CNTN4: variants seen among roughly 807,000 people sequenced by gnomAD.
The protein encoded by CNTN4 is contactin 4, also known as contactin-4.
In CNTN4, 77 loss-of-function variants were observed where a neutral mutation model predicts 122.5. The ratio of observed to expected loss-of-function variants is 0.63; its 90% confidence interval spans 0.52 to 0.76. CNTN4 has a LOEUF of 0.76. Ranked by LOEUF, CNTN4 falls within the 30% of genes least tolerant of loss-of-function variation. The probability of loss-of-function intolerance (pLI) is 0.00; values close to 1 mark genes in which losing one functional copy is unlikely to be tolerated. For missense variants in CNTN4, 1,256 were observed against 1,259.1 expected (o/e 1.00, Z 0.04); for synonymous variants, 512 against 447.0 (o/e 1.15, Z -1.83).
intron 12 of CNTN4, among the ~76,000 whole-genome samples, chr3:2,917,886 C>A (rs1331349270): frequency 2.0e-5 from 3 of 147,662 alleles, no homozygotes; most frequent in African/African-American, 7.5e-5. Flanking sequence ...CCCAACAAAA[C>A]CTCTATCAGT....
chr3:2,929,133 G>A (rs1316692378), intron 13 of CNTN4, among the ~76,000 whole-genome samples: 1 of 152,158 alleles, frequency 6.6e-6, no homozygotes, highest in Non-Finnish European at 1.5e-5. Context: ...ATTGTCTTGT[G>A]TGTGTCTCCA....
intron 2 of CNTN4, among the ~76,000 whole-genome samples, chr3:2,245,264 A>C (rs917113009): frequency 3.3e-5 from 5 of 152,060 alleles, no homozygotes; most frequent in Non-Finnish European, 7.4e-5. Flanking sequence ...GGCTAGGGAG[A>C]TCCCTAATTC....
intron 3 of CNTN4, among the ~76,000 whole-genome samples, chr3:2,376,075 T>A (rs913108462): frequency 5.3e-5 from 8 of 151,994 alleles, no homozygotes; most frequent in African/African-American, 1.7e-4. Flanking sequence ...AGAAAAAAAA[T>A]ATGAAATAAA....
chr3:2,625,252 G>A (rs1231650534), intron 4 of CNTN4, among the ~76,000 whole-genome samples: 1 of 152,104 alleles, frequency 6.6e-6, no homozygotes, highest in Non-Finnish European at 1.5e-5. Flanking sequence ...AACGCCACAA[G>A]AGCAGACTTC....
At chr3:2,696,696 C>T (rs959691231) in intron 4 of CNTN4, among the ~76,000 whole-genome samples, 5 of 152,196 alleles carry the variant, frequency 3.3e-5, no homozygotes, top group African/African-American at 9.7e-5. Flanking sequence ...AAATCAATGT[C>T]AAGTTTCTTC....
At chr3:2,851,080 TAAC>T (rs1456736424) in intron 7 of CNTN4, among the ~76,000 whole-genome samples, 3 of 152,216 alleles carry the variant, frequency 2.0e-5, no homozygotes, top group Non-Finnish European at 2.9e-5. Context: ...TTTGTTAAGT[TAAC>T]AACATCAGTT....
intron 6 of CNTN4, among the ~76,000 whole-genome samples, chr3:2,750,287 A>G (rs562665424): frequency 6.6e-6 from 1 of 152,364 alleles, no homozygotes; most frequent in African/African-American, 2.4e-5. Flanking sequence ...TCTCATTTAC[A>G]TACTTTCTAT....
intron 15 of CNTN4, among the ~76,000 whole-genome samples, chr3:3,030,219 A>G (rs1699047435): frequency 6.6e-6 from 1 of 152,114 alleles, no homozygotes; most frequent in South Asian, 2.1e-4. Flanking sequence ...CTGGAGAAAT[A>G]TTTCTGGGGC....
chr3:2,607,174 T>G (rs945939565), intron 4 of CNTN4, among the ~76,000 whole-genome samples: 2 of 152,214 alleles, frequency 1.3e-5, no homozygotes, highest in East Asian at 3.9e-4. Flanking sequence ...TGCTAGAAAC[T>G]GTCACGTGAA....
intron 13 of CNTN4, among the ~76,000 whole-genome samples, chr3:2,929,648 T>C (rs1490149893): frequency 1.3e-5 from 2 of 152,158 alleles, no homozygotes; most frequent in African/African-American, 4.8e-5. Flanking sequence ...ACCTGCACCT[T>C]TGGCTGTTTT....
At chr3:2,999,422 G>A (rs568561887) in intron 14 of CNTN4, among the ~76,000 whole-genome samples, 1 of 152,272 alleles carries the variant, frequency 6.6e-6, no homozygotes, top group South Asian at 2.1e-4. Flanking sequence ...TAGTCCACTT[G>A]TGCTGCTATA....
intron 2 of CNTN4, among the ~76,000 whole-genome samples, chr3:2,191,811 T>C (rs1379235845): frequency 2.0e-5 from 3 of 152,132 alleles, no homozygotes; most frequent in Non-Finnish European, 2.9e-5. Flanking sequence ...GCATGTGCCA[T>C]GTTGGTGTGC....
At chr3:3,044,511 C>T (rs163563) in intron 23 of CNTN4, among the ~76,000 whole-genome samples, 139,351 of 152,272 alleles carry the variant, frequency 0.92, 63,869 homozygotes, top group African/African-American at 0.95. Context: ...CACGGATAAC[C>T]TGGGCTTCCT....
intron 3 of CNTN4, among the ~76,000 whole-genome samples, chr3:2,403,914 T>G (rs9827778): frequency 0.56 from 84,325 of 151,926 alleles, 24,072 homozygotes; most frequent in Middle Eastern, 0.62. Context: ...ATGGGTATAG[T>G]AAGGTTTGTG....
rs1368016926 is a variant in CNTN4, at chr3:2,709,106, GT to G, written c.56-27104del. ...ATTTCATTTAGACCTCGGTGGCTGAGTTTTTAAGCTAGATCGTTACAAATGA... is the reference window on the plus strand; with the variant it reads ...ATTTCATTTAGACCTCGGTGGCTGAGTTTTAAGCTAGATCGTTACAAATGA... On this transcript the variant is annotated intron_variant, in intron 4 of 24. Transcript: ENST00000418658. The surrounding 1 kb of genome is among the most constrained non-coding windows in gnomAD (Gnocchi z 5.0). Among the ~76,000 whole-genome samples the G allele has an allele frequency of 7.2e-5, 11 of 152,060 alleles. No individual in the cohort carries two copies. Among genetic ancestry groups the G allele is most frequent in the Admixed American group, 6.5e-4 (10 of 15,268 alleles).
chr3:3,051,813 T>G (rs1701302454), intron 23 of CNTN4, among the ~76,000 whole-genome samples: 2 of 152,230 alleles, frequency 1.3e-5, no homozygotes, highest in South Asian at 2.1e-4. Flanking sequence ...GAATTTCACT[T>G]GTGTCTGGTT....
rs556027715 is a variant in CNTN4, at chr3:2,314,285, T to C, written c.-144-24893T>C. ...ATGTATATATATTAGAATTCTAAAATTATCCTGAAGTACAACTGGAGGAAT... is the reference window on the plus strand; with the variant it reads ...ATGTATATATATTAGAATTCTAAAACTATCCTGAAGTACAACTGGAGGAAT... On this transcript the variant is annotated intron_variant, in intron 2 of 24. Transcript: ENST00000418658. Among the ~76,000 whole-genome samples the C allele has an allele frequency of 3.9e-4, 59 of 152,076 alleles. 1 individual carries two copies. Among genetic ancestry groups the C allele is most frequent in the African/African-American group, 1.3e-3 (56 of 41,536 alleles).
intron 3 of CNTN4, among the ~76,000 whole-genome samples, chr3:2,556,416 A>G (rs1305651922): frequency 6.6e-6 from 1 of 152,316 alleles, no homozygotes; most frequent in East Asian, 1.9e-4. Context: ...GTTATCCTCA[A>G]TCAGGATGCA....
intron 7 of CNTN4, among the ~76,000 whole-genome samples, chr3:2,852,573 G>A (rs764301496): frequency 1.3e-5 from 2 of 152,008 alleles, no homozygotes; most frequent in Non-Finnish European, 2.9e-5. Flanking sequence ...TAGCAATTTG[G>A]CTACAGTATT....
Sources: allele counts gnomAD v4.1 joint callset (sites outside exome capture counted in the v4.1 genomes callset), GRCh38; gene constraint gnomAD v4.1.1; non-coding constraint Gnocchi (gnomAD v3.1); transcripts MANE v1.5; gene names NCBI Gene and HGNC (gene_info 2026-07-23, HGNC 2026-07-21).